The following SPATA6 variants were observed in gnomAD, a reference collection of about 807,000 sequenced individuals.
SPATA6 encodes spermatogenesis-associated protein 6.
In SPATA6, 56 loss-of-function variants were observed where a neutral mutation model predicts 65.3. That is an observed-to-expected ratio of 0.86 (90% confidence interval 0.69 to 1.07). SPATA6 has a LOEUF of 1.07. Ranked by LOEUF, SPATA6 falls within the 50% of genes least tolerant of loss-of-function variation. SPATA6 has a pLI of 0.00. For missense variants in SPATA6, 590 were observed against 594.8 expected, an observed-to-expected ratio of 0.99 and a Z score of 0.08; for synonymous variants, 199 against 213.2, an observed-to-expected ratio of 0.93 and a Z score of 0.58.
chr1:48,375,417 A>C (rs1647774530), intron 9 of SPATA6, among the ~76,000 whole-genome samples: 1 of 152,178 alleles, frequency 6.6e-6, no homozygotes, highest in Admixed American at 6.5e-5. Context: ...GCCAGGCCCA[A>C]AGACTCACAG....
intron 1 of SPATA6, among the ~76,000 whole-genome samples, chr1:48,458,457 T>C (rs1231065998): frequency 6.6e-6 from 1 of 152,194 alleles, no homozygotes; most frequent in African/African-American, 2.4e-5. Flanking sequence ...CTTTTTGCTG[T>C]CTTTTTTGCT....
intron 3 of SPATA6, among the ~76,000 whole-genome samples, chr1:48,415,234 A>AGGTT (rs1652646737): frequency 6.6e-6 from 1 of 152,242 alleles, no homozygotes; most frequent in Non-Finnish European, 1.5e-5. Context: ...TGACAGTCCA[A>AGGTT]GGTTGGACAG....
intron 9 of SPATA6, among the ~76,000 whole-genome samples, chr1:48,373,048 G>A (rs976106111): frequency 5.3e-5 from 8 of 152,148 alleles, no homozygotes; most frequent in Non-Finnish European, 7.3e-5. Flanking sequence ...TGTGGTCTTG[G>A]GGATTAACAC....
At chr1:48,359,974 G>A (rs1304432552) in intron 9 of SPATA6, among the ~76,000 whole-genome samples, 2 of 152,126 alleles carry the variant, frequency 1.3e-5, no homozygotes, top group Admixed American at 6.6e-5. Flanking sequence ...AATATTAAAT[G>A]TATCAAGATT....
At chr1:48,324,471 A>G (rs1294038283) in intron 11 of SPATA6, among the ~76,000 whole-genome samples, 1 of 152,182 alleles carries the variant, frequency 6.6e-6, no homozygotes, top group Non-Finnish European at 1.5e-5. Flanking sequence ...CGAATTTGAC[A>G]ATACATTAGA....
At chr1:48,292,602 A>G (rs1644775391), downstream of SPATA6, among the ~76,000 whole-genome samples, 1 of 152,244 alleles carries the variant, frequency 6.6e-6, no homozygotes, top group Admixed American at 6.5e-5. Flanking sequence ...AGAGGTGGCC[A>G]TAGGCAGGCA....
intron 1 of SPATA6, among the ~76,000 whole-genome samples, chr1:48,464,492 C>A (rs1657669029): frequency 6.6e-6 from 1 of 152,152 alleles, no homozygotes; most frequent in African/African-American, 2.4e-5. Flanking sequence ...CAAGAATGCT[C>A]ATAGGAGCAC....
chr1:48,272,351 C>G, the SPATA6 span, among the ~76,000 whole-genome samples: 6 of 152,236 alleles, frequency 3.9e-5, no homozygotes, highest in Non-Finnish European at 8.8e-5. Context: ...CCATTTCCTT[C>G]TCCCCTCAAT....
At chr1:48,272,047 C>T in the SPATA6 span, among the ~76,000 whole-genome samples, 3 of 152,016 alleles carry the variant, frequency 2.0e-5, no homozygotes, top group African/African-American at 7.2e-5. Context: ...TCCTTAGTAG[C>T]TTTATTGAGG....
chr1:48,416,837 T>A (rs141688867), intron 3 of SPATA6, among the ~76,000 whole-genome samples: 8 of 152,246 alleles, frequency 5.3e-5, no homozygotes, highest in Middle Eastern at 3.4e-3. Context: ...TAATGCAGCA[T>A]AATTCACCAA....
chr1:48,368,234 C>T (rs1647098300), intron 9 of SPATA6, among the ~76,000 whole-genome samples: 1 of 152,112 alleles, frequency 6.6e-6, no homozygotes, highest in Non-Finnish European at 1.5e-5. Context: ...TAACATTTTG[C>T]CTTCATTTAA....
At chr1:48,390,414 G>A (rs1649929806) in intron 8 of SPATA6, among the ~76,000 whole-genome samples, 1 of 152,208 alleles carries the variant, frequency 6.6e-6, no homozygotes, top group Admixed American at 6.5e-5. Flanking sequence ...GGAAGGATGG[G>A]TTGGTAGGGG....
At chr1:48,272,411 G>T in the SPATA6 span, among the ~76,000 whole-genome samples, 1 of 152,038 alleles carries the variant, frequency 6.6e-6, no homozygotes, top group South Asian at 2.1e-4. Flanking sequence ...GACTATTTGA[G>T]ATTCTCATAT....
At chr1:48,306,567 C>G (rs1021272357) in intron 11 of SPATA6, among the ~76,000 whole-genome samples, 5 of 151,830 alleles carry the variant, frequency 3.3e-5, no homozygotes, top group Non-Finnish European at 7.4e-5. Context: ...TACCAAATAT[C>G]TTTTTCAACT....
At chr1:48,267,752 GTTT>G in the SPATA6 span, among the ~76,000 whole-genome samples, 10 of 72,670 alleles carry the variant, frequency 1.4e-4, no homozygotes, top group Admixed American at 4.5e-4. Flanking sequence ...TAGGGTCTGG[GTTT>G]TTTTTTTTTT....
At chr1:48,327,507 A>G (rs914570613) in intron 11 of SPATA6, among the ~76,000 whole-genome samples, 4 of 152,234 alleles carry the variant, frequency 2.6e-5, no homozygotes, top group Non-Finnish European at 5.9e-5. Context: ...ATTTACCCAA[A>G]GGAAAATAAA....
chr1:48,368,965 G>A (rs916617865), intron 9 of SPATA6, among the ~76,000 whole-genome samples: 1 of 152,088 alleles, frequency 6.6e-6, no homozygotes, highest in Non-Finnish European at 1.5e-5. Context: ...TGTACAGATG[G>A]GTTTTTGGTG....
At chr1:48,456,872 G>C (rs1657045986) in intron 1 of SPATA6, among the ~76,000 whole-genome samples, 1 of 151,960 alleles carries the variant, frequency 6.6e-6, no homozygotes, top group Non-Finnish European at 1.5e-5. Flanking sequence ...CAGACCTGTG[G>C]GATACCACCA....
downstream of SPATA6, among the ~76,000 whole-genome samples, chr1:48,291,449 T>C (rs552313919): frequency 6.6e-6 from 1 of 152,262 alleles, no homozygotes; most frequent in African/African-American, 2.4e-5. Flanking sequence ...AATGAAGTTA[T>C]GTTCCCAGGA....
Sources: gnomAD v4.1 joint callset for allele counts (sites outside exome capture counted in the v4.1 genomes callset) on GRCh38, gnomAD v4.1.1 for gene constraint, MANE v1.5 for transcripts, NCBI Gene and HGNC (gene_info 2026-07-23, HGNC 2026-07-21) for gene names.